POLK: variants seen among roughly 807,000 people sequenced by gnomAD.
POLK encodes the protein polymerase (DNA directed) kappa.
Under a neutral mutation model 94.0 loss-of-function variants are expected in POLK, and 76 were observed. The observed-to-expected ratio is 0.81, with a 90% CI of 0.67 to 0.98. The LOEUF is 0.98. POLK is among the 50% of genes least tolerant of loss of function. POLK has a pLI of 0.00. For missense variants in POLK, 954 were observed against 1,010.1 expected, an observed-to-expected ratio of 0.94 and a Z score of 0.75; for synonymous variants, 349 against 325.4, an observed-to-expected ratio of 1.07 and a Z score of -0.78.
chr5:75,554,468 A>G (rs938600286), intron 3 of POLK, among the ~76,000 whole-genome samples: 8 of 151,544 alleles, frequency 5.3e-5, no homozygotes, highest in Non-Finnish European at 1.2e-4. Flanking sequence ...AAAAAAGATT[A>G]TATATATATA....
intron 10 of POLK, 41 bp from the exon 11 acceptor site, chr5:75,590,303 A>G (rs767099576): frequency 2.7e-6 from 3 of 1,094,534 alleles, no homozygotes; most frequent in Non-Finnish European, 4.1e-6. Context: ...ATCCTGGATT[A>G]TAGTTTACTT....
chr5:75,569,362 T>C (rs772860689), exon 4 of POLK: 1 of 1,611,018 alleles, frequency 6.2e-7, no homozygotes, highest in Non-Finnish European at 8.5e-7. Context: ...GCAATGGAAT[T>C]AGAACAAAGC....
chr5:75,575,243 C>A (rs1202957982), intron 5 of POLK, among the ~76,000 whole-genome samples: 2 of 152,156 alleles, frequency 1.3e-5, no homozygotes, highest in African/African-American at 4.8e-5. Flanking sequence ...TGCCGTGACT[C>A]GATCATACCT....
the POLK span, among the ~76,000 whole-genome samples, chr5:75,606,837 G>A: frequency 1.3e-5 from 2 of 152,080 alleles, no homozygotes; most frequent in South Asian, 2.1e-4. Context: ...TTGGAAGGAG[G>A]GACTGCCAGT....
At chr5:75,512,095 G>C (rs1768057741) in intron 1 of POLK, 181 bp downstream of exon 1, 1 of 302,048 alleles carries the variant, frequency 3.3e-6, no homozygotes, top group African/African-American at 2.2e-5. Context: ...TGAAGATGAC[G>C]GGCCTGCTTT....
chr5:75,586,486 A>T (rs1000228553), intron 9 of POLK, among the ~76,000 whole-genome samples: 1 of 152,180 alleles, frequency 6.6e-6, no homozygotes, highest in African/African-American at 2.4e-5. Context: ...GTTTTAACTA[A>T]TCCTGTCAGA....
intron 1 of POLK, among the ~76,000 whole-genome samples, chr5:75,542,618 TATATATACACATATATACACATATAC>T (rs1420366399): frequency 1.3e-5 from 2 of 150,022 alleles, no homozygotes; most frequent in Non-Finnish European, 3.0e-5. Flanking sequence ...CATATACACA[TATATATACACATATATACACATATAC>T]ATATATACAC....
chr5:75,524,337 A>G (rs567565044), intron 1 of POLK, among the ~76,000 whole-genome samples: 1 of 152,234 alleles, frequency 6.6e-6, no homozygotes, highest in South Asian at 2.1e-4. Flanking sequence ...GGGTTGAATG[A>G]CTGTCTTAAC....
At chr5:75,605,118 TACAC>T (rs3842052), downstream of POLK, among the ~76,000 whole-genome samples, 55,822 of 146,624 alleles carry the variant, frequency 0.38, 11,548 homozygotes, top group East Asian at 0.6. Flanking sequence ...TGTATACACA[TACAC>T]ACACACACAC....
intron 3 of POLK, among the ~76,000 whole-genome samples, chr5:75,561,114 A>C (rs997185665): frequency 6.6e-6 from 1 of 152,110 alleles, no homozygotes; most frequent in Non-Finnish European, 1.5e-5. Context: ...GGTTGAACTA[A>C]TTTACACTCC....
chr5:75,566,347 C>T, intron 3 of POLK, among the ~76,000 whole-genome samples: 1 of 152,208 alleles, frequency 6.6e-6, no homozygotes, highest in South Asian at 2.1e-4. Context: ...AGCTCCCTGG[C>T]TTCAGCCCCG....
At chr5:75,523,553 C>T (rs1768686295) in intron 1 of POLK, among the ~76,000 whole-genome samples, 3 of 152,176 alleles carry the variant, frequency 2.0e-5, no homozygotes, top group Admixed American at 2.0e-4. Flanking sequence ...AAGACCTTTG[C>T]TTCTTTCTAG....
exon 4 of POLK, chr5:75,569,412 G>A: frequency 6.2e-7 from 1 of 1,613,146 alleles, no homozygotes; most frequent in Non-Finnish European, 8.5e-7. Context: ...TGACATGGAT[G>A]CTTTCTATGC....
At chr5:75,557,882 T>G (rs1255048132) in intron 3 of POLK, among the ~76,000 whole-genome samples, 2 of 152,126 alleles carry the variant, frequency 1.3e-5, no homozygotes, top group Non-Finnish European at 2.9e-5. Context: ...TTCCTCTTCC[T>G]GGGTTCAAGC....
At chr5:75,519,562 G>A (rs979440769) in intron 1 of POLK, among the ~76,000 whole-genome samples, 1 of 152,100 alleles carries the variant, frequency 6.6e-6, no homozygotes, top group Non-Finnish European at 1.5e-5. Context: ...GGGTATTCTG[G>A]TATTGGATGC....
chr5:75,577,343 A>G (rs1432739496), intron 6 of POLK, among the ~76,000 whole-genome samples: 1 of 152,058 alleles, frequency 6.6e-6, no homozygotes, highest in Non-Finnish European at 1.5e-5. Context: ...ATTTTTCTTC[A>G]TTTTCCTAAT....
intron 6 of POLK, among the ~76,000 whole-genome samples, chr5:75,580,023 C>G (rs1772117891): frequency 6.7e-6 from 1 of 149,842 alleles, no homozygotes; most frequent in Non-Finnish European, 1.5e-5. Context: ...TGTGTATGTG[C>G]CCTGGGAATT....
chr5:75,557,558 A>G (rs1156513624), intron 3 of POLK, among the ~76,000 whole-genome samples: 2 of 152,236 alleles, frequency 1.3e-5, no homozygotes, highest in Admixed American at 6.5e-5. Flanking sequence ...TCAAACCATC[A>G]TAAGTCCAGA....
At chr5:75,545,760 A>G (rs1769985671) in intron 1 of POLK, among the ~76,000 whole-genome samples, 1 of 152,066 alleles carries the variant, frequency 6.6e-6, no homozygotes, top group Non-Finnish European at 1.5e-5. Context: ...AGGAAGTATT[A>G]TTTTGTATTT....
Sources: gnomAD v4.1 joint callset for allele counts (sites outside exome capture counted in the v4.1 genomes callset) on GRCh38, gnomAD v4.1.1 for gene constraint, MANE v1.5 for transcripts, NCBI Gene and HGNC (gene_info 2026-07-23, HGNC 2026-07-21) for gene names.